Variants in OTOA observed in about 807,000 individuals in gnomAD.
The protein encoded by OTOA is otoancorin.
OTOA carries 70 observed loss-of-function variants against 110.8 expected under a neutral mutation model. The observed-to-expected ratio is 0.63, with a 90% CI of 0.52 to 0.77. The LOEUF (loss-of-function observed/expected upper bound fraction) is 0.77. OTOA is among the 30% of genes least tolerant of loss of function. OTOA has a pLI of 0.00. For synonymous variants in OTOA, 373 were observed against 431.5 expected, an observed-to-expected ratio of 0.86 and a Z score of 1.68; for missense variants, 917 against 1,075.8, an observed-to-expected ratio of 0.85 and a Z score of 2.06.
At chr16:21,687,936 T>C (rs1256014030) in intron 8 of OTOA, among the ~76,000 whole-genome samples, 1 of 152,006 alleles carries the variant, frequency 6.6e-6, no homozygotes, top group Non-Finnish European at 1.5e-5. Flanking sequence ...AGTGCTTGGA[T>C]TACGGGCATG....
intron 21 of OTOA, among the ~76,000 whole-genome samples, chr16:21,732,248 A>G (rs924139785): frequency 6.6e-6 from 1 of 152,240 alleles, no homozygotes; most frequent in African/African-American, 2.4e-5. Context: ...TACAGGCGTG[A>G]GCCACCATGC....
chr16:21,722,539 G>A (rs1161598709), intron 17 of OTOA, among the ~76,000 whole-genome samples: 3 of 151,818 alleles, frequency 2.0e-5, no homozygotes, highest in South Asian at 4.2e-4. Flanking sequence ...ACATCATTTA[G>A]TGTTAATATA....
chr16:21,753,332 ATCT>A lies in OTOA; in HGVS notation c.3153+212_3153+214del, dbSNP rs1465876687. Among the ~76,000 whole-genome samples, 2 of 101,434 alleles carry A rather than the reference ATCT, an allele frequency of 2.0e-5. 1 individual carries two copies. The highest frequency in any genetic ancestry group is 4.2e-5 in the Non-Finnish European group (2 of 47,586). 66.5% of individuals were successfully genotyped at this position (101,434 alleles called of 152,430 possible). Reference sequence around the variant, plus strand: ...TTTAATTATATTTATTTTTACGGTCATCTTCTCTTCTTCTAGCAGGTGGTACTG... The same window carrying A: ...TTTAATTATATTTATTTTTACGGTCATCTCTTCTTCTAGCAGGTGGTACTG... On this transcript the variant is annotated intron_variant, in intron 27 of 28. Transcript: ENST00000646100.
chr16:21,724,938 G>A (rs537311337), intron 18 of OTOA, among the ~76,000 whole-genome samples: 2 of 152,042 alleles, frequency 1.3e-5, no homozygotes, highest in East Asian at 3.9e-4. Context: ...CACCACGCCT[G>A]GCTAATTTTT....
intron 11 of OTOA, among the ~76,000 whole-genome samples, chr16:21,702,186 G>A (rs2141677101): frequency 6.6e-6 from 1 of 152,266 alleles, no homozygotes; most frequent in African/African-American, 2.4e-5. Context: ...CTGACCTCAA[G>A]TGATCCACCC....
chr16:21,688,652 A>T (rs1227107163), intron 8 of OTOA, among the ~76,000 whole-genome samples: 1 of 152,086 alleles, frequency 6.6e-6, no homozygotes, highest in East Asian at 1.9e-4. Flanking sequence ...TTTCTGGTTT[A>T]TAGGTGGCAC....
chr16:21,754,078 AT>A (rs764794590), intron 27 of OTOA, among the ~76,000 whole-genome samples: 2,139 of 136,114 alleles, frequency 0.016, 17 homozygotes, highest in African/African-American at 0.056. Flanking sequence ...ATATATATAT[AT>A]TTTTTTCTAT....
intron 1 of OTOA, among the ~76,000 whole-genome samples, chr16:21,666,094 G>T (rs1174520790): frequency 6.6e-6 from 1 of 151,994 alleles, no homozygotes; most frequent in Non-Finnish European, 1.5e-5. Flanking sequence ...AAGTGCTGGG[G>T]TTACAGGAGT....
At chr16:21,695,499 G>T (rs1183371677) in intron 9 of OTOA, among the ~76,000 whole-genome samples, 1 of 152,050 alleles carries the variant, frequency 6.6e-6, no homozygotes, top group Non-Finnish European at 1.5e-5. Flanking sequence ...AGCCTCAAAA[G>T]TTTCCAGCCC....
chr16:21,681,585 G>GAAAGA lies in OTOA; in HGVS notation c.180-142_180-138dup, dbSNP rs558851068. On this transcript the variant is annotated intron_variant, in intron 5 of 28. Coordinates refer to ENST00000646100, the MANE Select transcript of OTOA (RefSeq NM_144672.4). ...TTCAAAAAAAGAGAAAAGAAAAAAG[G>GAAAGA]AAAGAAAAGAAAAGAGAAACCTCCC... Among the ~76,000 whole-genome samples the GAAAGA allele has an allele frequency of 1.4e-4, 21 of 152,186 alleles. 1 individual carries two copies. The South Asian group carries it at 1.7e-3, about 12-fold the overall frequency.
chr16:21,730,875 T>C lies in OTOA; in HGVS notation c.2246T>C (p.Leu749Ser). ...QHWTAETTKD[L>S]GPFLVLFSGD... ...TGGACAGCCGAGACCACGAAGGACT[T>C]GGGACCCTTTCTAGTACTTTTCTCA... Residue 749 changes from leucine (L) to serine (S), a missense_variant, in exon 21 of 29, where the codon TTG (leucine) becomes TCG (serine). Physicochemically the swap from Leu to Ser is moderately radical, Grantham distance 145. This residue lies in a region of OTOA where 840 missense variants were observed against 910.2 expected (regional missense o/e 0.92). Coordinates refer to ENST00000646100, the MANE Select transcript of OTOA (RefSeq NM_144672.4). 1 of 1,577,896 alleles carries C rather than the reference T, an allele frequency of 6.3e-7. No individual in the cohort carries two copies.
In OTOA at chr16:21,694,525, C is replaced by T. The variant is rs77768117; in HGVS notation, c.739+2838C>T. Among the ~76,000 whole-genome samples, 1,174 of 152,162 alleles carry T rather than the reference C, an allele frequency of 7.7e-3. 32 individuals are homozygous for T. Among genetic ancestry groups the T allele is most frequent in the East Asian group, 0.056 (291 of 5,182 alleles). ...AAAACAGGTGATGGGCTGAGTTTGC[C>T]CCATGGATTGTAGTTTGCCAACTCT... On this transcript the variant is annotated intron_variant, in intron 9 of 28. Coordinates refer to ENST00000646100, the MANE Select transcript of OTOA (RefSeq NM_144672.4).
chr16:21,759,472 A>ATTT lies in OTOA; in HGVS notation c.3350-984_3350-982dup, dbSNP rs1182150346. 6.1e-4 allele frequency among the ~76,000 whole-genome samples: 77 copies of ATTT among 125,654 alleles called. 1 individual carries two copies. Among genetic ancestry groups the ATTT allele is most frequent in the Admixed American group, 2.8e-3 (35 of 12,546 alleles). 82.4% of individuals were successfully genotyped at this position (125,654 alleles called of 152,430 possible). A position where few individuals can be genotyped will look rare whatever the true frequency, so the allele number is the denominator to read the frequency against. ...GTAGATGGACCTTGCAGTTGTTTCTATTTTTTTTTTTTTTTTGCTGTTATG... is the reference window on the plus strand; with the variant it reads ...GTAGATGGACCTTGCAGTTGTTTCTATTTTTTTTTTTTTTTTTTTGCTGTTATG... On this transcript the variant is annotated intron_variant, in intron 28 of 28. Coordinates refer to ENST00000646100, the MANE Select transcript of OTOA (RefSeq NM_144672.4).
At chr16:21,697,584 A>T (rs1049155726) in intron 9 of OTOA, among the ~76,000 whole-genome samples, 191 bp from the exon 10 acceptor site, 4 of 152,150 alleles carry the variant, frequency 2.6e-5, no homozygotes, top group African/African-American at 9.7e-5. Context: ...ATGAGCTGAG[A>T]TCACACCACT....
At chr16:21,692,133 C>A (rs1897842513) in intron 9 of OTOA, among the ~76,000 whole-genome samples, 1 of 152,078 alleles carries the variant, frequency 6.6e-6, no homozygotes, top group Non-Finnish European at 1.5e-5. Flanking sequence ...TTGAGACCAG[C>A]CTGACCGACA....
intron 15 of OTOA, among the ~76,000 whole-genome samples, chr16:21,718,238 G>A (rs1042499898): frequency 6.6e-5 from 10 of 152,266 alleles, no homozygotes; most frequent in South Asian, 2.1e-4. Flanking sequence ...GATTACAGGC[G>A]TGAACCAGGG....
chr16:21,679,543 A>G (rs915387739), intron 5 of OTOA, among the ~76,000 whole-genome samples: 1 of 151,868 alleles, frequency 6.6e-6, no homozygotes, highest in Non-Finnish European at 1.5e-5. Context: ...TAGCTGGGGT[A>G]ACAGGTACCT....
At chr16:21,713,866 T>C (rs1898433671) in intron 13 of OTOA, among the ~76,000 whole-genome samples, 1 of 152,176 alleles carries the variant, frequency 6.6e-6, no homozygotes, top group Non-Finnish European at 1.5e-5. Flanking sequence ...TGGGGCTCCA[T>C]GGGTCCACCT....
At chr16:21,709,029 A>G (rs1272620597) in intron 12 of OTOA, among the ~76,000 whole-genome samples, 1 of 152,220 alleles carries the variant, frequency 6.6e-6, no homozygotes, top group Non-Finnish European at 1.5e-5. Flanking sequence ...TAGTGTCTCT[A>G]TATTTATAAA....
Sources: allele counts gnomAD v4.1 joint callset (sites outside exome capture counted in the v4.1 genomes callset), GRCh38; gene constraint gnomAD v4.1.1; regional missense constraint gnomAD v4.1.1; transcripts MANE v1.5; gene names NCBI Gene and HGNC (gene_info 2026-07-23, HGNC 2026-07-21).